Variants in AOPEP observed in about 807,000 individuals in gnomAD.
The protein encoded by AOPEP is aminopeptidase O.
AOPEP carries 77 observed loss-of-function variants against 98.1 expected under a neutral mutation model. The observed-to-expected ratio is 0.78, with a 90% CI of 0.65 to 0.95. The LOEUF (loss-of-function observed/expected upper bound fraction) is 0.95, where lower values mean the gene tolerates loss of function less well. AOPEP is among the 40% of genes least tolerant of loss of function. AOPEP has a pLI of 0.00. For missense variants in AOPEP, 1,024 were observed against 1,024.7 expected, an observed-to-expected ratio of 1.00 and a Z score of 0.01; for synonymous variants, 346 against 365.3, an observed-to-expected ratio of 0.95 and a Z score of 0.60.
chr9:95,015,864 T>A (rs1289905122), intron 13 of AOPEP, among the ~76,000 whole-genome samples: 1 of 152,146 alleles, frequency 6.6e-6, no homozygotes, highest in Non-Finnish European at 1.5e-5. Flanking sequence ...AGTATGAAAT[T>A]TTTTTTCTTC....
At chr9:94,975,115 C>T (rs1319746540) in intron 10 of AOPEP, among the ~76,000 whole-genome samples, 1 of 152,016 alleles carries the variant, frequency 6.6e-6, no homozygotes, top group East Asian at 1.9e-4. Flanking sequence ...CCTGTAGTCC[C>T]GGTTACTCGG....
chr9:95,074,246 G>T (rs1292920509), intron 14 of AOPEP, among the ~76,000 whole-genome samples: 1 of 152,168 alleles, frequency 6.6e-6, no homozygotes, highest in Non-Finnish European at 1.5e-5. Flanking sequence ...CAGTGGGGTA[G>T]GGTCCACAAT....
At chr9:95,008,193 A>G (rs1440547540) in intron 13 of AOPEP, among the ~76,000 whole-genome samples, 1 of 152,078 alleles carries the variant, frequency 6.6e-6, no homozygotes, top group Admixed American at 6.5e-5. Flanking sequence ...CATCCCCTCC[A>G]CATTGCCCTT....
At chr9:94,965,375 A>G (rs2059125370) in intron 9 of AOPEP, among the ~76,000 whole-genome samples, 1 of 152,278 alleles carries the variant, frequency 6.6e-6, no homozygotes, top group African/African-American at 2.4e-5. Flanking sequence ...TACAAGAAAT[A>G]AATATTTCAT....
chr9:94,917,180 C>T (rs899522216), intron 5 of AOPEP, among the ~76,000 whole-genome samples: 6 of 152,154 alleles, frequency 3.9e-5, no homozygotes, highest in Admixed American at 2.6e-4. Flanking sequence ...AACGTTCTCT[C>T]GGGATGTGTT....
chr9:95,099,434 C>T, the AOPEP span: 3 of 226,446 alleles, frequency 1.3e-5, no homozygotes, highest in South Asian at 2.0e-4. Context: ...TCGGCCACGC[C>T]GCGTCCCCGC....
chr9:94,853,090 T>C (rs1211017809), intron 5 of AOPEP, among the ~76,000 whole-genome samples: 1 of 152,164 alleles, frequency 6.6e-6, no homozygotes, highest in Non-Finnish European at 1.5e-5. Flanking sequence ...ATGAGACAAA[T>C]GATTCCTTTG....
chr9:95,102,974 G>A, the AOPEP span, among the ~76,000 whole-genome samples: 18 of 152,344 alleles, frequency 1.2e-4, no homozygotes, highest in African/African-American at 3.4e-4. Flanking sequence ...GCACGTGCCA[G>A]TGTGTCCCTG....
intron 5 of AOPEP, among the ~76,000 whole-genome samples, chr9:94,815,196 A>G (rs1469216981): frequency 6.6e-6 from 1 of 152,140 alleles, no homozygotes; most frequent in Non-Finnish European, 1.5e-5. Flanking sequence ...GATAAATGTA[A>G]AGTGGCCTCA....
chr9:94,816,768 G>A (rs991073603), intron 5 of AOPEP, among the ~76,000 whole-genome samples: 1 of 152,044 alleles, frequency 6.6e-6, no homozygotes, highest in Non-Finnish European at 1.5e-5. Context: ...GGCTATGAGA[G>A]GTATATTCCC....
At chr9:94,960,856 C>A (rs1397180599) in intron 9 of AOPEP, among the ~76,000 whole-genome samples, 1 of 151,728 alleles carries the variant, frequency 6.6e-6, no homozygotes, top group African/African-American at 2.4e-5. Flanking sequence ...ACTAAAAATA[C>A]AAAAAATTAG....
At chr9:95,107,650 C>G in the AOPEP span, 1 of 386,876 alleles carries the variant, frequency 2.6e-6, no homozygotes, top group South Asian at 2.5e-5. Context: ...CCCACGCAGT[C>G]AGACCTCCGC....
intron 13 of AOPEP, among the ~76,000 whole-genome samples, chr9:95,026,637 T>C (rs2063861905): frequency 6.6e-6 from 1 of 152,238 alleles, no homozygotes; most frequent in Non-Finnish European, 1.5e-5. Flanking sequence ...GCTGTAGTAA[T>C]GCTGCAGTAA....
intron 13 of AOPEP, among the ~76,000 whole-genome samples, chr9:95,041,444 G>GGT (rs755371038): frequency 4.2e-5 from 6 of 144,322 alleles, no homozygotes; most frequent in Non-Finnish European, 3.0e-5. Flanking sequence ...AGAGTCCTTG[G>GGT]GGGTGTGTGT....
At chr9:94,926,761 G>A (rs2054406144) in intron 6 of AOPEP, among the ~76,000 whole-genome samples, 1 of 150,728 alleles carries the variant, frequency 6.6e-6, no homozygotes, top group African/African-American at 2.4e-5. Flanking sequence ...CTGGGAGACT[G>A]TGCTCTGCAG....
intron 7 of AOPEP, 62 bp downstream of exon 7, chr9:94,928,593 C>A: frequency 8.6e-7 from 1 of 1,158,720 alleles, no homozygotes; most frequent in Non-Finnish European, 1.3e-6. Flanking sequence ...CAAGACACCT[C>A]CCTGCCAACT....
At chr9:94,990,899 A>T (rs566839798) in intron 11 of AOPEP, among the ~76,000 whole-genome samples, 6 of 152,274 alleles carry the variant, frequency 3.9e-5, no homozygotes, top group African/African-American at 1.4e-4. Context: ...AAGTGCTGGG[A>T]TTATAGGCAT....
chr9:95,017,135 A>G (rs2063072260), intron 13 of AOPEP, among the ~76,000 whole-genome samples: 1 of 152,090 alleles, frequency 6.6e-6, no homozygotes, highest in Non-Finnish European at 1.5e-5. Context: ...GAAAAGCAGA[A>G]TGTACCTCTG....
chr9:94,858,439 A>T (rs1474020941), intron 5 of AOPEP, among the ~76,000 whole-genome samples: 2 of 152,224 alleles, frequency 1.3e-5, no homozygotes, highest in African/African-American at 4.8e-5. Context: ...TGAAATCAGT[A>T]CGACCAGTAG....
Sources: gnomAD v4.1 joint callset for allele counts (sites outside exome capture counted in the v4.1 genomes callset) on GRCh38, gnomAD v4.1.1 for gene constraint, MANE v1.5 for transcripts, NCBI Gene and HGNC (gene_info 2026-07-23, HGNC 2026-07-21) for gene names.